Variants in SHOC1 observed in about 807,000 individuals in gnomAD.
The protein encoded by SHOC1 is protein shortage in chiasmata 1 ortholog.
Under a neutral mutation model 179.2 loss-of-function variants are expected in SHOC1, and 136 were observed. The observed-to-expected ratio is 0.76, with a 90% CI of 0.66 to 0.87. The LOEUF is 0.87. Among genes scored for constraint, SHOC1 ranks in the 40% least tolerant of loss-of-function variants. The pLI, the probability that SHOC1 is intolerant of heterozygous loss-of-function variation, is 0.00. For synonymous variants in SHOC1, 489 were observed against 586.6 expected (o/e 0.83, Z 2.41); for missense variants, 1,538 against 1,700.8 (o/e 0.90, Z 1.68).
chr9:111,706,625 C>G lies in SHOC1; in HGVS notation c.2680G>C (p.Glu894Gln). The change falls in exon 20 of 28, where the codon GAG (glutamate) becomes CAG (glutamine). Residue 894 changes from glutamate to glutamine, a missense_variant. Coordinates refer to ENST00000682961, the MANE Select transcript of SHOC1 (RefSeq NM_001378211.1). ...AAGGCCATGTAAGGAATATTCAACTCTTTGCAGTGTTTAGTCCAACAAGAG... is the reference window on the plus strand; with the variant it reads ...AAGGCCATGTAAGGAATATTCAACTGTTTGCAGTGTTTAGTCCAACAAGAG... The part of the protein sequence containing the change: ...EDSCWTKHCK[E>Q]LNIPYMAFKV... The G allele has an allele frequency of 6.2e-7, 1 of 1,605,620 alleles. No individual in the cohort carries two copies. The highest frequency in any genetic ancestry group is 8.5e-7 in the Non-Finnish European group (1 of 1,175,648).
At chr9:111,759,213 CT>C (rs764735786) in intron 5 of SHOC1, 1 of 1,613,786 alleles carries the variant, frequency 6.2e-7, no homozygotes, top group South Asian at 1.1e-5. Context: ...AAGTATTTGA[CT>C]TCTGCTGACC....
In SHOC1 at chr9:111,703,878, T is replaced by C. The variant is rs1410670629; in HGVS notation, c.2967+3A>G. On this transcript the variant is annotated splice_donor_region_variant and intron_variant, in intron 22 of 27. Coordinates refer to ENST00000682961, the MANE Select transcript of SHOC1 (RefSeq NM_001378211.1). ...AGTTTATATATTTTCTACCTAGTTT[T>C]ACCTGCAAAATTATGGCAGTGTGTT... is the stretch of plus-strand genomic sequence containing the variant. 2.0e-6 allele frequency: 3 copies of C among 1,529,888 alleles called. No individual in the cohort carries two copies. The highest frequency in any genetic ancestry group is 1.4e-5 in the African/African-American group (1 of 73,090). The allele number at this position is 1,529,888 out of a possible 1,614,324, so 94.8% of individuals were successfully genotyped here. A position where few individuals can be genotyped will look rare whatever the true frequency, so the allele number is the denominator to read the frequency against.
chr9:111,701,096 T>C (rs1363709224), intron 23 of SHOC1, among the ~76,000 whole-genome samples: 3 of 152,318 alleles, frequency 2.0e-5, no homozygotes, highest in East Asian at 3.9e-4. Flanking sequence ...ATCATAGCCA[T>C]GAATACAGCT....
At chr9:111,766,390 T>A (rs1043203773) in intron 5 of SHOC1, among the ~76,000 whole-genome samples, 2 of 152,176 alleles carry the variant, frequency 1.3e-5, no homozygotes, top group African/African-American at 4.8e-5. Context: ...TATAATTTCC[T>A]TTCTTTTCCA....
chr9:111,791,398 A>G lies in SHOC1; in HGVS notation c.21T>C (p.Tyr7=), dbSNP rs1836439882. 1.4e-6 allele frequency: 2 copies of G among 1,479,390 alleles called. No individual in the cohort carries two copies. The highest frequency in any genetic ancestry group is 1.8e-6 in the Non-Finnish European group (2 of 1,111,208). The allele number at this position is 1,479,390 out of a possible 1,614,324, so 91.6% of individuals were successfully genotyped here. The change falls in exon 2 of 28, where the codon TAT becomes TAC. Residue 7 remains tyrosine, a synonymous_variant. Transcript: ENST00000682961. MFSALK[Y]HAIDYLYENV... is the part of the protein sequence containing the mutation. ...CCTCATATAAATAGTCTATTGCATG[A>G]TATTTCAATGCTGAAAACATATCTT... is the stretch of plus-strand genomic sequence containing the variant.
At chr9:111,745,309 G>A (rs10981045) in intron 10 of SHOC1, among the ~76,000 whole-genome samples, 26,040 of 152,038 alleles carry the variant, frequency 0.17, 2,535 homozygotes, top group East Asian at 0.41. Flanking sequence ...TCCCAGTATT[G>A]TAGATTTAAA....
intron 26 of SHOC1, 31 bp downstream of exon 26, chr9:111,693,768 C>A: frequency 7.3e-7 from 1 of 1,365,946 alleles, no homozygotes. Flanking sequence ...GAAATAAATT[C>A]ATATCATAGT....
intron 13 of SHOC1, among the ~76,000 whole-genome samples, chr9:111,726,940 T>C (rs1215840576): frequency 6.6e-6 from 1 of 152,194 alleles, no homozygotes; most frequent in Non-Finnish European, 1.5e-5. Context: ...TGTAACAATA[T>C]ATAAATATCA....
rs555641818 is a variant in SHOC1 at position 111,700,424 on chromosome 9, C to T, written c.3090-377G>A. 8.5e-5 allele frequency among the ~76,000 whole-genome samples: 13 copies of T among 152,246 alleles called. No individual in the cohort carries two copies. In the South Asian group the frequency reaches 1.0e-3, roughly 12 times the overall value. ...TGGACACATGACCAGAACCAGGATA[C>T]GTGGAATCCTCCCAGAATTCCCTAA... On this transcript the variant is annotated intron_variant, in intron 23 of 27. Coordinates refer to ENST00000682961, the MANE Select transcript of SHOC1 (RefSeq NM_001378211.1).
In SHOC1 at chr9:111,759,580, C is replaced by T. The variant is rs1835047204; in HGVS notation, c.443-732G>A. 9.2e-6 allele frequency: 10 copies of T among 1,085,932 alleles called. No individual in the cohort carries two copies. In the South Asian group the frequency reaches 1.8e-4, roughly 19 times the overall value. 67.3% of individuals were successfully genotyped at this position (1,085,932 alleles called of 1,614,324 possible). ...GTCACAGGAAGGAACATAAACTTGC[C>T]CCCAATTCTTCAATAAGTTTTTGAG... On this transcript the variant is annotated intron_variant, in intron 5 of 27. Transcript: ENST00000682961.
intron 3 of SHOC1, among the ~76,000 whole-genome samples, chr9:111,781,750 A>AAATTAATTAATTAATTAATTAATTAATT (rs1554724111): frequency 2.7e-5 from 4 of 150,892 alleles, no homozygotes; most frequent in East Asian, 1.9e-4. Flanking sequence ...ATAAATAAAT[A>AAATTAATTAATTAATTAATTAATTAATT]AATTTGTATG....
intron 20 of SHOC1, 94 bp from the exon 21 acceptor site, chr9:111,705,458 G>A: frequency 2.0e-6 from 1 of 504,676 alleles, no homozygotes; most frequent in Non-Finnish European, 3.5e-6. Flanking sequence ...ATAAGTAGGA[G>A]TAGTATAAAA....
At chr9:111,787,493 T>C (rs1217007487) in intron 2 of SHOC1, among the ~76,000 whole-genome samples, 1 of 152,168 alleles carries the variant, frequency 6.6e-6, no homozygotes, top group Non-Finnish European at 1.5e-5. Context: ...ATAGAGGTGA[T>C]AGAAATAGCA....
intron 5 of SHOC1, among the ~76,000 whole-genome samples, chr9:111,772,402 T>C (rs901712481): frequency 1.3e-5 from 2 of 152,236 alleles, no homozygotes; most frequent in African/African-American, 2.4e-5. Context: ...AATGACTGTC[T>C]TGTTAGGGTC....
chr9:111,730,363 C>G (rs969869262), intron 12 of SHOC1, among the ~76,000 whole-genome samples: 1 of 152,174 alleles, frequency 6.6e-6, no homozygotes, highest in Admixed American at 6.5e-5. Context: ...AGAGGAATCA[C>G]TATCTATGGC....
At chr9:111,701,552 T>C (rs1453526791) in intron 23 of SHOC1, among the ~76,000 whole-genome samples, 1 of 152,172 alleles carries the variant, frequency 6.6e-6, no homozygotes, top group Non-Finnish European at 1.5e-5. Flanking sequence ...TCCAGAACAC[T>C]TCCAAGTTCC....
intron 12 of SHOC1, among the ~76,000 whole-genome samples, chr9:111,733,963 C>G (rs547383974): frequency 6.6e-6 from 1 of 152,108 alleles, no homozygotes; most frequent in East Asian, 1.9e-4. Context: ...TAGTGGTAAT[C>G]TGGTATGTTC....
At chr9:111,737,551 C>T (rs546979015) in intron 12 of SHOC1, among the ~76,000 whole-genome samples, 27 of 151,712 alleles carry the variant, frequency 1.8e-4, no homozygotes, top group Admixed American at 3.3e-4. Context: ...TCCCAGCTAC[C>T]TGGGAGGCTG....
In SHOC1 at chr9:111,766,810, C is replaced by T. The variant is rs182356425; in HGVS notation, c.443-7962G>A. On this transcript the variant is annotated intron_variant, in intron 5 of 27. Coordinates refer to ENST00000682961, the MANE Select transcript of SHOC1 (RefSeq NM_001378211.1). ...TATTTTTAGTAGAGACAAGGTTTTG[C>T]CATGTTGGCCAGGTTGGTCTCAAAT... Among the ~76,000 whole-genome samples the T allele has an allele frequency of 9.6e-4, 146 of 151,770 alleles. 2 individuals are homozygous for T. The Middle Eastern group carries it at 0.017, about 18-fold the overall frequency.
Sources: gnomAD v4.1 joint callset for allele counts (sites outside exome capture counted in the v4.1 genomes callset) on GRCh38, gnomAD v4.1.1 for gene constraint, MANE v1.5 for transcripts, NCBI Gene and HGNC (gene_info 2026-07-23, HGNC 2026-07-21) for gene names.